ATXN7: variants seen among roughly 807,000 people sequenced by gnomAD.
ATXN7 encodes the protein ataxin-7.
ATXN7 carries 12 observed loss-of-function variants against 70.5 expected under a neutral mutation model. That is an observed-to-expected ratio of 0.17 (90% CI 0.11 to 0.28). The LOEUF is 0.28. Among genes scored for constraint, ATXN7 ranks in the 10% least tolerant of loss-of-function variants. The pLI is 1.00. For synonymous variants in ATXN7, 498 were observed against 448.7 expected (o/e 1.11, Z -1.39); for missense variants, 1,256 against 1,131.7 (o/e 1.11, Z -1.58).
chr3:63,967,955 AGGAGCTGAAAGCTCCACT>A (rs1233972832), intron 5 of ATXN7: 2 of 1,535,790 alleles, frequency 1.3e-6, no homozygotes, highest in Non-Finnish European at 1.7e-6. Context: ...CCTTCTGCGC[AGGAGCTGAAAGCTCCACT>A]GGGTAAGTTT....
intron 4 of ATXN7, among the ~76,000 whole-genome samples, chr3:63,933,346 G>A (rs1391791032): frequency 6.6e-6 from 1 of 152,166 alleles, no homozygotes; most frequent in Admixed American, 6.5e-5. Context: ...TTAAAATGCA[G>A]TCTGACCTTC....
At chr3:63,977,660 C>G (rs545985643) in intron 5 of ATXN7, among the ~76,000 whole-genome samples, 2 of 152,092 alleles carry the variant, frequency 1.3e-5, no homozygotes, top group African/African-American at 4.8e-5. Context: ...ACTCTGGGGC[C>G]CATCTGGAAA....
At chr3:63,960,854 G>C (rs1192024623) in intron 5 of ATXN7, among the ~76,000 whole-genome samples, 4 of 151,498 alleles carry the variant, frequency 2.6e-5, no homozygotes, top group Admixed American at 2.6e-4. Flanking sequence ...TGGGGGTGGG[G>C]GGTCATTTTT....
intron 1 of ATXN7, chr3:63,865,345 A>G (rs910857221): frequency 1.3e-5 from 2 of 152,204 alleles, no homozygotes; most frequent in Non-Finnish European, 2.9e-5. Context: ...AAATTACTTT[A>G]CATGAAGATT....
At chr3:63,877,791 G>T (rs1702790235) in intron 1 of ATXN7, among the ~76,000 whole-genome samples, 1 of 152,162 alleles carries the variant, frequency 6.6e-6, no homozygotes, top group Non-Finnish European at 1.5e-5. Context: ...CAGATTACTT[G>T]CACCAAGTAA....
chr3:63,918,898 A>G (rs1284644760), intron 4 of ATXN7, among the ~76,000 whole-genome samples: 2 of 152,190 alleles, frequency 1.3e-5, no homozygotes, highest in Admixed American at 1.3e-4. Context: ...CAGATCGCCC[A>G]CACTTAAGAA....
intron 4 of ATXN7, among the ~76,000 whole-genome samples, chr3:63,935,899 C>T (rs1260435497): frequency 2.0e-5 from 3 of 152,076 alleles, no homozygotes; most frequent in East Asian, 1.9e-4. Flanking sequence ...ACAGATATGT[C>T]GAACCTTATG....
At chr3:63,965,085 T>C (rs756186249) in intron 5 of ATXN7, among the ~76,000 whole-genome samples, 4 of 152,170 alleles carry the variant, frequency 2.6e-5, no homozygotes, top group Non-Finnish European at 2.9e-5. Flanking sequence ...GGATTCAGTT[T>C]AGGAAATCCC....
chr3:63,924,170 T>C (rs903205806), intron 4 of ATXN7, among the ~76,000 whole-genome samples: 4 of 152,130 alleles, frequency 2.6e-5, no homozygotes, highest in Non-Finnish European at 4.4e-5. Context: ...GGGAGAAATA[T>C]AAGAATTGGG....
intron 4 of ATXN7, among the ~76,000 whole-genome samples, chr3:63,915,525 T>C (rs554500453): frequency 7.2e-5 from 11 of 152,308 alleles, no homozygotes; most frequent in African/African-American, 2.4e-4. Context: ...TCAAAACTTA[T>C]TAGACTATTA....
chr3:63,944,774 G>T (rs2074830578), intron 4 of ATXN7, among the ~76,000 whole-genome samples: 1 of 151,684 alleles, frequency 6.6e-6, no homozygotes, highest in Non-Finnish European at 1.5e-5. Flanking sequence ...TTTTTTGTTA[G>T]TTTTTGGTTT....
intron 4 of ATXN7, among the ~76,000 whole-genome samples, chr3:63,939,374 G>A (rs1206513921): frequency 4.6e-5 from 7 of 152,092 alleles, no homozygotes; most frequent in Admixed American, 3.9e-4. Context: ...CTGTACTGCT[G>A]CAGACAGCTC....
Position 63,999,647 on chromosome 3 carries a change from T to G in ATXN7, c.*180T>G. 1 of 1,086,378 alleles carries G rather than the reference T, an allele frequency of 9.2e-7. No homozygotes were observed. Among genetic ancestry groups the G allele is most frequent in the Non-Finnish European group, 1.4e-6 (1 of 724,836 alleles). 67.3% of individuals were successfully genotyped at this position (1,086,378 alleles called of 1,614,324 possible). ...GAGGATTTCCCTGAAGCTATGTCTC[T>G]AGCAGTGAGTACTCATAAAGGACAC... On this transcript the variant is annotated 3_prime_UTR_variant, in exon 13 of 13. Transcript: ENST00000674280.
chr3:63,915,036 A>G (rs1407984089), intron 4 of ATXN7, among the ~76,000 whole-genome samples: 4 of 152,130 alleles, frequency 2.6e-5, no homozygotes, highest in Non-Finnish European at 4.4e-5. Context: ...CCCAGGTTCA[A>G]GCGATTCTCC....
chr3:63,887,721 G>T (rs1703131306), intron 1 of ATXN7, among the ~76,000 whole-genome samples: 1 of 152,018 alleles, frequency 6.6e-6, no homozygotes, highest in Non-Finnish European at 1.5e-5. Context: ...AAGTAGCAGG[G>T]ACTACAGGCA....
intron 1 of ATXN7, among the ~76,000 whole-genome samples, chr3:63,877,191 T>G (rs1467696547): frequency 6.6e-6 from 1 of 152,222 alleles, no homozygotes; most frequent in African/African-American, 2.4e-5. Flanking sequence ...AAGGAAAAAC[T>G]GAAATTCCTG....
chr3:63,992,773 A>G (rs1042275677), intron 11 of ATXN7, among the ~76,000 whole-genome samples: 1 of 152,202 alleles, frequency 6.6e-6, no homozygotes, highest in Non-Finnish European at 1.5e-5. Flanking sequence ...AAAAGTCTAC[A>G]GCAACAAGGG....
chr3:63,912,965 C>T, intron 3 of ATXN7, 42 bp downstream of exon 3: 1 of 1,325,174 alleles, frequency 7.5e-7, no homozygotes, highest in Non-Finnish European at 1.0e-6. Context: ...CCCCTCGCGA[C>T]CCCCTCCTCT....
chr3:63,984,359 T>G (rs929601693), intron 8 of ATXN7, among the ~76,000 whole-genome samples: 3 of 151,256 alleles, frequency 2.0e-5, no homozygotes, highest in Non-Finnish European at 3.0e-5. Context: ...AACAAACTGC[T>G]TTTTTTTTGT....
Sources: allele counts gnomAD v4.1 joint callset (sites outside exome capture counted in the v4.1 genomes callset), GRCh38; gene constraint gnomAD v4.1.1; transcripts MANE v1.5; gene names NCBI Gene and HGNC (gene_info 2026-07-23, HGNC 2026-07-21).